The following ZNF433 variants were observed in gnomAD, a reference collection of about 807,000 sequenced individuals.
The protein encoded by ZNF433 is zinc finger protein 433.
ZNF433 carries 12 observed loss-of-function variants against 10.6 expected under a neutral mutation model. The observed-to-expected ratio is 1.13, with a 90% CI of 0.72 to 1.83. ZNF433 has a LOEUF of 1.83. Among genes scored for constraint, ZNF433 ranks in the 40% most tolerant of loss-of-function variants. The pLI is 0.00. For missense variants in ZNF433, 737 were observed against 798.0 expected, an observed-to-expected ratio of 0.92 and a Z score of 0.92; for synonymous variants, 272 against 271.3, an observed-to-expected ratio of 1.00 and a Z score of -0.02.
At chr19:12,020,040 G>A (rs1487673496) in intron 1 of ZNF433, among the ~76,000 whole-genome samples, 1 of 152,198 alleles carries the variant, frequency 6.6e-6, no homozygotes, top group Non-Finnish European at 1.5e-5. Flanking sequence ...GGGAGTCCGA[G>A]GTGGGCGGAT....
At chr19:12,029,119 T>C (rs1974878784) in intron 1 of ZNF433, among the ~76,000 whole-genome samples, 1 of 152,228 alleles carries the variant, frequency 6.6e-6, no homozygotes, top group Non-Finnish European at 1.5e-5. Context: ...CTCTCTGAAA[T>C]ACATCTAGTA....
rs537520980 is a variant in ZNF433, at chr19:12,014,728, G to C, written c.*117C>G. The C allele has an allele frequency of 1.9e-5, 15 of 779,048 alleles. No individual in the cohort carries two copies. The South Asian group carries it at 3.4e-4, about 18-fold the overall frequency. The allele number at this position is 779,048 out of a possible 1,614,324, so 48.3% of individuals were successfully genotyped here. A position where few individuals can be genotyped will look rare whatever the true frequency, so the allele number is the denominator to read the frequency against. On this transcript the variant is annotated 3_prime_UTR_variant, in exon 4 of 4. Transcript: ENST00000550507. ...TCTCAACTGCCATTACCACCAACTG[G>C]AAGTCTTTTTATTTATTTATTTAAT...
At chr19:12,018,407 G>A (rs1974322876) in intron 1 of ZNF433, 115 bp from the exon 2 acceptor site, 1 of 1,219,178 alleles carries the variant, frequency 8.2e-7, no homozygotes, top group Non-Finnish European at 1.1e-6. Context: ...ATTATTCCAT[G>A]ACCATCAGAC....
chr19:12,032,530 C>A (rs1260055289), intron 1 of ZNF433, among the ~76,000 whole-genome samples: 1 of 150,030 alleles, frequency 6.7e-6, no homozygotes, highest in East Asian at 2.0e-4. Flanking sequence ...GTAGTGCAGG[C>A]TGGAATACAG....
At chr19:12,028,442 A>G (rs1244978344) in intron 1 of ZNF433, among the ~76,000 whole-genome samples, 1 of 152,246 alleles carries the variant, frequency 6.6e-6, no homozygotes, top group Non-Finnish European at 1.5e-5. Context: ...TTATGAAACT[A>G]TGAAGAAAAT....
At position 12,014,915 on chromosome 19, in the gene ZNF433, C is replaced by T. The variant is rs1360474097; in HGVS notation, c.1943G>A (p.Cys648Tyr). 2 of 1,613,708 alleles carry T rather than the reference C, an allele frequency of 1.2e-6. No homozygotes were observed. Among genetic ancestry groups the T allele is most frequent in the Non-Finnish European group, 1.7e-6 (2 of 1,179,840 alleles). Residue 648 changes from cysteine (C) to tyrosine (Y), a missense_variant, in exon 4 of 4, where the codon TGT becomes TAT. By Grantham distance (194) the Cys-to-Tyr change is radical (BLOSUM62 -2). Transcript: ENST00000550507. ...TGAAGAACATCTAAAGACTTTACCA[C>T]ATTGGTTACATTTATAGGGTTTCTC... ...TGEKPYKCNQ[C>Y]GKVFRCSSQL...
chr19:12,018,033 T>C, intron 2 of ZNF433, 97 bp from the exon 3 acceptor site: 1 of 1,309,020 alleles, frequency 7.6e-7, no homozygotes, highest in Non-Finnish European at 1.0e-6. Context: ...GCATGCTTCC[T>C]TTATTTATCA....
In ZNF433 at chr19:12,014,735, T is replaced by G; in HGVS notation, c.*110A>C. 1.2e-6 allele frequency: 1 copy of G among 830,068 alleles called. No individual in the cohort carries two copies. Among genetic ancestry groups the G allele is most frequent in the Non-Finnish European group, 1.8e-6 (1 of 564,938 alleles). The allele number at this position is 830,068 out of a possible 1,614,324, so 51.4% of individuals were successfully genotyped here. The stretch of plus-strand genomic sequence containing the variant: ...TGCCATTACCACCAACTGGAAGTCT[T>G]TTTATTTATTTATTTAATTTTTATA... On this transcript the variant is annotated 3_prime_UTR_variant, in exon 4 of 4. Coordinates refer to ENST00000550507, the MANE Select transcript of ZNF433 (RefSeq NM_001308348.2).
intron 1 of ZNF433, among the ~76,000 whole-genome samples, 180 bp downstream of exon 1, chr19:12,035,357 C>G (rs1975239192): frequency 6.6e-6 from 1 of 152,202 alleles, no homozygotes; most frequent in South Asian, 2.1e-4. Flanking sequence ...ACGCCCGGGT[C>G]CCGGCGGCCG....
chr19:12,018,082 A>T, intron 2 of ZNF433, 84 bp downstream of exon 2: 1 of 1,452,610 alleles, frequency 6.9e-7, no homozygotes, highest in Non-Finnish European at 9.2e-7. Flanking sequence ...TCAACAGCAT[A>T]CATGAGCTAA....
intron 1 of ZNF433, chr19:12,023,689 A>G (rs143219393): frequency 3.3e-5 from 5 of 152,302 alleles, no homozygotes; most frequent in African/African-American, 4.8e-5. Context: ...TGGAGTTGGT[A>G]AAGCCCCTGA....
intron 1 of ZNF433, among the ~76,000 whole-genome samples, chr19:12,022,521 C>A (rs1974547034): frequency 6.6e-6 from 1 of 152,098 alleles, no homozygotes; most frequent in Non-Finnish European, 1.5e-5. Context: ...AAGTGGTGTA[C>A]ATGTGTGGGT....
At chr19:12,035,426 G>C (rs1975243943) in intron 1 of ZNF433, 111 bp downstream of exon 1, 1 of 1,460,272 alleles carries the variant, frequency 6.8e-7, no homozygotes, top group South Asian at 1.3e-5. Context: ...CGGGAAATCG[G>C]GTCCCAGACC....
At chr19:12,023,749 C>T (rs2145441943) in intron 1 of ZNF433, 1 of 152,146 alleles carries the variant, frequency 6.6e-6, no homozygotes, top group Non-Finnish European at 1.5e-5. Flanking sequence ...CAATGGACAA[C>T]CTGGGACTAT....
chr19:12,021,392 G>A (rs1453985175), intron 1 of ZNF433, among the ~76,000 whole-genome samples: 2 of 152,148 alleles, frequency 1.3e-5, no homozygotes, highest in African/African-American at 4.8e-5. Context: ...AGTGCACAGA[G>A]AATCTCTCCC....
chr19:12,018,415 G>T, intron 1 of ZNF433, 123 bp from the exon 2 acceptor site: 1 of 1,149,456 alleles, frequency 8.7e-7, no homozygotes. Context: ...ATGACCATCA[G>T]ACCTCATACT....
chr19:12,019,877 T>C (rs1207503795), intron 1 of ZNF433, among the ~76,000 whole-genome samples: 2 of 152,170 alleles, frequency 1.3e-5, no homozygotes, highest in East Asian at 3.8e-4. Flanking sequence ...AACTATACAC[T>C]TAAAACTGCT....
intron 1 of ZNF433, among the ~76,000 whole-genome samples, chr19:12,027,608 T>C (rs1422286493): frequency 2.0e-5 from 3 of 152,260 alleles, no homozygotes; most frequent in African/African-American, 7.2e-5. Flanking sequence ...ACATAAGGAA[T>C]ATTTTTAGTT....
At chr19:12,033,633 T>C (rs901279752) in intron 1 of ZNF433, among the ~76,000 whole-genome samples, 4 of 151,938 alleles carry the variant, frequency 2.6e-5, no homozygotes, top group East Asian at 2.0e-4. Flanking sequence ...CCATCCTGGC[T>C]AACACAGTGA....
Sources: allele counts gnomAD v4.1 joint callset (sites outside exome capture counted in the v4.1 genomes callset), GRCh38; gene constraint gnomAD v4.1.1; transcripts MANE v1.5; gene names NCBI Gene and HGNC (gene_info 2026-07-23, HGNC 2026-07-21).